The following PCDHA13 variants were observed in gnomAD, a reference collection of about 807,000 sequenced individuals.
PCDHA13 encodes the protein protocadherin alpha-13.
PCDHA13 carries 54 observed loss-of-function variants against 64.8 expected under a neutral mutation model. The ratio of observed to expected loss-of-function variants is 0.83; its 90% confidence interval spans 0.67 to 1.04. PCDHA13 has a LOEUF of 1.04. PCDHA13 is among the 50% of genes least tolerant of loss of function. PCDHA13 has a pLI of 0.00. For synonymous variants in PCDHA13, 587 were observed against 564.4 expected, an observed-to-expected ratio of 1.04 and a Z score of -0.57; for missense variants, 1,248 against 1,254.3, an observed-to-expected ratio of 0.99 and a Z score of 0.08.
In PCDHA13 at chr5:140,882,375, C is replaced by G. The variant is rs879994353; in HGVS notation, c.107C>G (p.Pro36Arg). The change falls in exon 1 of 4, where the codon CCC (proline) becomes CGC (arginine). Residue 36 changes from proline to arginine, a missense_variant. By Grantham distance (103) the Pro-to-Arg change is moderately radical. Transcript: ENST00000289272. Reference protein sequence around the residue: ...TGSGQLHYSVPEEAKHGTFVG... With the variant: ...TGSGQLHYSVREEAKHGTFVG... ...AGTGGCCAGCTCCACTACTCCGTCC[C>G]CGAGGAAGCAAAACACGGCACCTTC... 2 of 1,614,094 alleles carry G rather than the reference C, an allele frequency of 1.2e-6. No individual in the cohort carries two copies. Among genetic ancestry groups the G allele is most frequent in the Non-Finnish European group, 1.7e-6 (2 of 1,180,052 alleles).
intron 1 of PCDHA13, among the ~76,000 whole-genome samples, chr5:140,974,870 A>G (rs781837180): frequency 9.9e-5 from 15 of 152,182 alleles, no homozygotes; most frequent in African/African-American, 1.4e-4. Context: ...AATGCGGAAC[A>G]GTCTATGTAT....
intron 1 of PCDHA13, among the ~76,000 whole-genome samples, chr5:140,905,012 C>A (rs1335177928): frequency 6.6e-6 from 1 of 152,054 alleles, no homozygotes; most frequent in Non-Finnish European, 1.5e-5. Context: ...TTTGCTAATT[C>A]TTTTCTATGC....
At chr5:140,950,914 T>C (rs1198787949) in intron 1 of PCDHA13, among the ~76,000 whole-genome samples, 1 of 152,044 alleles carries the variant, frequency 6.6e-6, no homozygotes, top group African/African-American at 2.4e-5. Flanking sequence ...TTTATTTTAT[T>C]TCAGTTCTTT....
intron 1 of PCDHA13, among the ~76,000 whole-genome samples, chr5:140,909,701 T>A (rs1038404823): frequency 4.6e-4 from 70 of 152,334 alleles, no homozygotes; most frequent in African/African-American, 1.6e-3. Flanking sequence ...TTCTGCTAGC[T>A]GCTAAGTATA....
At chr5:140,920,611 C>T (rs919244668) in intron 1 of PCDHA13, among the ~76,000 whole-genome samples, 4 of 152,068 alleles carry the variant, frequency 2.6e-5, no homozygotes, top group Non-Finnish European at 5.9e-5. Flanking sequence ...TTTGGGAGGC[C>T]GAGGCGGATG....
At chr5:140,893,273 A>G (rs1381847994) in intron 1 of PCDHA13, among the ~76,000 whole-genome samples, 1 of 152,150 alleles carries the variant, frequency 6.6e-6, no homozygotes, top group Non-Finnish European at 1.5e-5. Context: ...CAATAGTGGA[A>G]TTGCTGGATG....
rs1279761986 is a variant in PCDHA13 at position 140,884,152 on chromosome 5, T to C, written c.1884T>C (p.Thr628=). ...TCCCGTTCCGCGTGGGGCTGTACAC[T>C]GGCGAGATCAGCACGACGCGCCCTC... ...ARIPFRVGLY[T]GEISTTRPLD... The change falls in exon 1 of 4, where the codon ACT becomes ACC. Residue 628 remains threonine (T), a synonymous_variant. Coordinates refer to ENST00000289272, the MANE Select transcript of PCDHA13 (RefSeq NM_018904.3). 1.9e-6 allele frequency: 3 copies of C among 1,613,332 alleles called. No individual in the cohort carries two copies. Among genetic ancestry groups the C allele is most frequent in the East Asian group, 2.2e-5 (1 of 44,874 alleles).
intron 1 of PCDHA13, among the ~76,000 whole-genome samples, chr5:140,923,528 C>CA (rs1240707958): frequency 2.0e-5 from 3 of 151,622 alleles, no homozygotes; most frequent in Non-Finnish European, 4.4e-5. Context: ...GATTCTGTCC[C>CA]AAAAAAAGGA....
At chr5:140,899,713 T>G (rs1336302647) in intron 1 of PCDHA13, among the ~76,000 whole-genome samples, 1 of 152,210 alleles carries the variant, frequency 6.6e-6, no homozygotes, top group Non-Finnish European at 1.5e-5. Context: ...TTAGGGAGGA[T>G]TCCCTCTTTT....
intron 1 of PCDHA13, among the ~76,000 whole-genome samples, chr5:140,916,342 T>C (rs1365738177): frequency 2.0e-5 from 3 of 152,122 alleles, no homozygotes; most frequent in Admixed American, 6.5e-5. Context: ...TTCCTCTGTT[T>C]CTGTCAAACA....
At chr5:140,967,102 G>T (rs1279026258) in intron 1 of PCDHA13, 1 of 1,612,978 alleles carries the variant, frequency 6.2e-7, no homozygotes, top group African/African-American at 1.3e-5. Context: ...CGCTGTGTGA[G>T]CAGCGGCCTC....
At chr5:140,993,018 C>T (rs2097537347) in intron 3 of PCDHA13, among the ~76,000 whole-genome samples, 1 of 152,174 alleles carries the variant, frequency 6.6e-6, no homozygotes, top group African/African-American at 2.4e-5. Flanking sequence ...AGTCCAGCAT[C>T]CCCTGTGGGC....
chr5:140,911,033 G>A lies in PCDHA13; in HGVS notation c.2394+26371G>A, dbSNP rs188656147. 2.0e-3 allele frequency among the ~76,000 whole-genome samples: 306 copies of A among 152,188 alleles called. 2 individuals are homozygous for A. The highest frequency in any genetic ancestry group is 7.0e-3 in the African/African-American group (291 of 41,532). On this transcript the variant is annotated intron_variant, in intron 1 of 3. Transcript: ENST00000289272. ...GGACTTTAGTCTAGTTATAGGTCTA[G>A]AAGCAAACAGGGGTGGTGGGGGGTG...
intron 1 of PCDHA13, chr5:140,966,542 G>A (rs926112867): frequency 3.7e-5 from 17 of 464,420 alleles, no homozygotes; most frequent in African/African-American, 1.8e-4. Flanking sequence ...GAGCGACTCG[G>A]AGGCGAGCGG....
chr5:140,922,337 T>C lies in PCDHA13; in HGVS notation c.2394+37675T>C, dbSNP rs150639608. On this transcript the variant is annotated intron_variant, in intron 1 of 3. Transcript: ENST00000289272. ...GAAGATCTTGGAAAGGGTTGGTATA[T>C]TGGTATTTTCTAGAGTAGTGATTCT... Among the ~76,000 whole-genome samples the C allele has an allele frequency of 3.4e-3, 512 of 152,346 alleles. 3 individuals carry two copies. The highest frequency in any genetic ancestry group is 0.012 in the African/African-American group (489 of 41,580).
chr5:140,929,077 A>C, intron 1 of PCDHA13: 1 of 1,614,168 alleles, frequency 6.2e-7, no homozygotes, highest in Non-Finnish European at 8.5e-7. Flanking sequence ...GAGGTATGGA[A>C]GTAAGATGGT....
intron 1 of PCDHA13, among the ~76,000 whole-genome samples, chr5:140,977,549 A>G (rs2096765562): frequency 6.6e-6 from 1 of 152,210 alleles, no homozygotes; most frequent in African/African-American, 2.4e-5. Flanking sequence ...TTGCATATGC[A>G]TATCTTGCTA....
At chr5:140,910,924 A>T (rs568597600) in intron 1 of PCDHA13, among the ~76,000 whole-genome samples, 1 of 152,142 alleles carries the variant, frequency 6.6e-6, no homozygotes, top group Admixed American at 6.5e-5. Flanking sequence ...GCTTATATAA[A>T]TAAGAAAGCT....
chr5:140,915,312 C>T (rs781796761), intron 1 of PCDHA13, among the ~76,000 whole-genome samples: 2 of 152,122 alleles, frequency 1.3e-5, no homozygotes, highest in Non-Finnish European at 2.9e-5. Flanking sequence ...TTACATACCA[C>T]AATTACAGTG....
Sources: gnomAD v4.1 joint callset for allele counts (sites outside exome capture counted in the v4.1 genomes callset) on GRCh38, gnomAD v4.1.1 for gene constraint, MANE v1.5 for transcripts, NCBI Gene and HGNC (gene_info 2026-07-23, HGNC 2026-07-21) for gene names.